ITGA1: variants seen among roughly 807,000 people sequenced by gnomAD.
ITGA1 encodes integrin subunit alpha 1.
Under a neutral mutation model 145.9 loss-of-function variants are expected in ITGA1, and 85 were observed. The observed-to-expected ratio is 0.58, with a 90% confidence interval of 0.49 to 0.70. The LOEUF (loss-of-function observed/expected upper bound fraction) is 0.70. Among genes scored for constraint, ITGA1 ranks in the 30% least tolerant of loss-of-function variants. The pLI, the probability that ITGA1 is intolerant of heterozygous loss-of-function variation, is 0.00. For synonymous variants in ITGA1, 520 were observed against 495.3 expected (o/e 1.05, Z -0.66); for missense variants, 1,351 against 1,418.7 (o/e 0.95, Z 0.77).
intron 1 of ITGA1, among the ~76,000 whole-genome samples, chr5:52,815,944 C>CA (rs1384793306): frequency 6.6e-6 from 1 of 152,020 alleles, no homozygotes; most frequent in Non-Finnish European, 1.5e-5. Flanking sequence ...AACTAAGTCA[C>CA]AAAAACTCCT....
intron 7 of ITGA1, chr5:52,882,950 A>C (rs931961167): frequency 2.6e-5 from 4 of 152,244 alleles, no homozygotes; most frequent in Non-Finnish European, 5.9e-5. Context: ...AGGTTAAAAA[A>C]GTTAATAATG....
At chr5:52,898,134 G>A (rs902190900) in intron 10 of ITGA1, 105 bp from the exon 11 acceptor site, 1 of 630,950 alleles carries the variant, frequency 1.6e-6, no homozygotes, top group Non-Finnish European at 2.4e-6. Context: ...GCTAACAAAT[G>A]TAAAGCACTT....
chr5:52,882,627 G>C (rs909780861), intron 7 of ITGA1, among the ~76,000 whole-genome samples: 5 of 151,940 alleles, frequency 3.3e-5, no homozygotes, highest in Admixed American at 6.6e-5. Flanking sequence ...TCTTCCATCT[G>C]CAGTTTTCCT....
rs1276160201 is a variant in ITGA1 at position 52,905,946 on chromosome 5, AT to A, written c.1455+40del. 4 of 1,553,314 alleles carry A rather than the reference AT, an allele frequency of 2.6e-6. No individual in the cohort carries two copies. The East Asian group carries it at 9.2e-5, about 36-fold the overall frequency. On this transcript the variant is annotated intron_variant, in intron 12 of 28. Coordinates refer to ENST00000282588, the MANE Select transcript of ITGA1 (RefSeq NM_181501.2). ...AATATTCTTTTATTTAAATTAATCTATTCATACTCTATGTATATTTACTGTC... is the reference window on the plus strand; with the variant it reads ...AATATTCTTTTATTTAAATTAATCTATCATACTCTATGTATATTTACTGTC...
chr5:52,951,028 C>G (rs1012667621), intron 28 of ITGA1, among the ~76,000 whole-genome samples: 2 of 152,108 alleles, frequency 1.3e-5, no homozygotes, highest in African/African-American at 4.8e-5. Context: ...CCGTTACCGC[C>G]TTTTCTTCAT....
intron 21 of ITGA1, among the ~76,000 whole-genome samples, chr5:52,930,557 A>G (rs569880383): frequency 2.6e-5 from 4 of 152,124 alleles, no homozygotes; most frequent in Admixed American, 2.6e-4. Flanking sequence ...CATTATAGAG[A>G]TAGAAAGCTT....
At chr5:52,883,416 T>C (rs1749996870) in intron 7 of ITGA1, among the ~76,000 whole-genome samples, 1 of 152,220 alleles carries the variant, frequency 6.6e-6, no homozygotes, top group African/African-American at 2.4e-5. Context: ...TCACAAAGGG[T>C]ATAGCTGTGG....
chr5:52,900,174 G>A (rs761779071), intron 11 of ITGA1, among the ~76,000 whole-genome samples: 1 of 152,156 alleles, frequency 6.6e-6, no homozygotes, highest in Non-Finnish European at 1.5e-5. Context: ...GATTAGATTA[G>A]ATATCTTCTA....
At chr5:52,825,500 G>A (rs1748946193) in intron 1 of ITGA1, among the ~76,000 whole-genome samples, 1 of 152,166 alleles carries the variant, frequency 6.6e-6, no homozygotes, top group Admixed American at 6.5e-5. Flanking sequence ...GCCAGGAACT[G>A]TGCCTATATA....
intron 23 of ITGA1, 112 bp from the exon 24 acceptor site, chr5:52,937,289 A>C (rs1750982482): frequency 1.4e-6 from 1 of 723,786 alleles, no homozygotes; most frequent in Non-Finnish European, 2.4e-6. Flanking sequence ...TTGTTTGGGG[A>C]TTCAAAATAT....
chr5:52,878,436 G>C (rs1301758950), intron 6 of ITGA1, among the ~76,000 whole-genome samples: 3 of 152,170 alleles, frequency 2.0e-5, no homozygotes, highest in Non-Finnish European at 2.9e-5. Context: ...ACTATTCCTA[G>C]TGTGAAGATA....
chr5:52,860,660 T>C (rs1382963592), intron 2 of ITGA1, among the ~76,000 whole-genome samples: 2 of 152,248 alleles, frequency 1.3e-5, no homozygotes, highest in Non-Finnish European at 2.9e-5. Flanking sequence ...GCCAGAGTTT[T>C]TGGATATGGC....
chr5:52,953,289 G>T lies in ITGA1; in HGVS notation c.*838G>T, dbSNP rs995682835. On this transcript the variant is annotated 3_prime_UTR_variant, in exon 29 of 29. Coordinates refer to ENST00000282588, the MANE Select transcript of ITGA1 (RefSeq NM_181501.2). The stretch of plus-strand genomic sequence containing the variant: ...CATATATGGGGGACATGCTAAAATG[G>T]CTTCTGAATGAAATACGACAGCAGA... 1 of 152,084 alleles carries T rather than the reference G, an allele frequency of 6.6e-6. No homozygotes were observed. Among genetic ancestry groups the T allele is most frequent in the Non-Finnish European group, 1.5e-5 (1 of 68,016 alleles). 9.4% of individuals were successfully genotyped at this position (152,084 alleles called of 1,614,324 possible).
At chr5:52,870,688 A>G (rs1035207774) in intron 6 of ITGA1, among the ~76,000 whole-genome samples, 3 of 152,280 alleles carry the variant, frequency 2.0e-5, no homozygotes, top group African/African-American at 4.8e-5. Flanking sequence ...GATTGTTAGA[A>G]TGCATGTGTT....
chr5:52,913,262 C>G (rs1375145598), intron 14 of ITGA1, among the ~76,000 whole-genome samples: 1 of 152,046 alleles, frequency 6.6e-6, no homozygotes. Context: ...ATGACTTAAC[C>G]AATAAAGGAA....
At chr5:52,925,737 T>G (rs1354584391) in intron 19 of ITGA1, among the ~76,000 whole-genome samples, 1 of 152,198 alleles carries the variant, frequency 6.6e-6, no homozygotes, top group Non-Finnish European at 1.5e-5. Flanking sequence ...ACTGTGTGTT[T>G]CATAAAATCC....
chr5:52,895,508 TC>T (rs1750211056), intron 9 of ITGA1, among the ~76,000 whole-genome samples: 1 of 152,202 alleles, frequency 6.6e-6, no homozygotes, highest in Non-Finnish European at 1.5e-5. Flanking sequence ...ATAGAAACAA[TC>T]TGTAAAAATA....
intron 21 of ITGA1, among the ~76,000 whole-genome samples, chr5:52,930,027 T>C (rs1750872030): frequency 1.3e-5 from 2 of 152,204 alleles, no homozygotes; most frequent in South Asian, 4.1e-4. Context: ...TTAAAAACTT[T>C]CACTGGCTGC....
At chr5:52,871,203 T>C (rs1035942660) in intron 6 of ITGA1, among the ~76,000 whole-genome samples, 2 of 152,216 alleles carry the variant, frequency 1.3e-5, no homozygotes, top group Non-Finnish European at 2.9e-5. Flanking sequence ...CAGAACCATA[T>C]GAAAGTATTG....
Sources: gnomAD v4.1 joint callset for allele counts (sites outside exome capture counted in the v4.1 genomes callset) on GRCh38, gnomAD v4.1.1 for gene constraint, MANE v1.5 for transcripts, NCBI Gene and HGNC (gene_info 2026-07-23, HGNC 2026-07-21) for gene names.